NLGN1: variants seen among roughly 807,000 people sequenced by gnomAD.
NLGN1 encodes the protein neuroligin-1.
A neutral mutation model predicts 65.5 loss-of-function variants in NLGN1; 12 were observed. The ratio of observed to expected loss-of-function variants is 0.18; its 90% confidence interval spans 0.12 to 0.30. The LOEUF (loss-of-function observed/expected upper bound fraction) is 0.30, where lower values mean the gene tolerates loss of function less well. Ranked by LOEUF, NLGN1 falls within the 10% of genes least tolerant of loss-of-function variation. The pLI is 1.00. For synonymous variants in NLGN1, 350 were observed against 359.5 expected, an observed-to-expected ratio of 0.97 and a Z score of 0.30; for missense variants, 750 against 1,007.1, an observed-to-expected ratio of 0.74 and a Z score of 3.46.
At chr3:173,800,119 G>A (rs1715122797) in intron 3 of NLGN1, among the ~76,000 whole-genome samples, 1 of 150,048 alleles carries the variant, frequency 6.7e-6, no homozygotes. Context: ...TTTGGGAAAG[G>A]GTTTTTTTTT....
At chr3:173,902,220 A>G (rs16831765) in intron 4 of NLGN1, among the ~76,000 whole-genome samples, 25,933 of 151,288 alleles carry the variant, frequency 0.17, 2,443 homozygotes, top group East Asian at 0.36. Flanking sequence ...TAGTTTTTCC[A>G]CTCCTCCTGG....
rs1725382055 is a variant in NLGN1, at chr3:174,010,814, A to G, written c.646+202982A>G. ...ATATTTAGTGCCACCAGGTTACCAT[A>G]TAAAATGTAAAAGCCTAGAAAAATT... On this transcript the variant is annotated intron_variant, in intron 4 of 6. Coordinates refer to ENST00000457714, the Ensembl canonical transcript of NLGN1. Among the ~76,000 whole-genome samples, 4 of 152,278 alleles carry G rather than the reference A, an allele frequency of 2.6e-5. No individual in the cohort carries two copies. The South Asian group carries it at 8.3e-4, about 32-fold the overall frequency.
At chr3:173,834,979 T>C (rs1346897756) in intron 4 of NLGN1, among the ~76,000 whole-genome samples, 1 of 152,232 alleles carries the variant, frequency 6.6e-6, no homozygotes, top group African/African-American at 2.4e-5. Flanking sequence ...ATTGCTCTGT[T>C]GGCACTGAAC....
At chr3:173,874,831 T>C (rs1191440847) in intron 4 of NLGN1, among the ~76,000 whole-genome samples, 1 of 152,188 alleles carries the variant, frequency 6.6e-6, no homozygotes, top group Non-Finnish European at 1.5e-5. Flanking sequence ...ATCATTTCTC[T>C]TTGTGACTAG....
chr3:174,132,732 G>A (rs1431821807), intron 4 of NLGN1, among the ~76,000 whole-genome samples: 4 of 152,068 alleles, frequency 2.6e-5, no homozygotes, highest in African/African-American at 4.8e-5. Flanking sequence ...TTATATGATC[G>A]CAACAAGGAC....
Position 174,279,764 on chromosome 3 carries a change from T to A in NLGN1, c.1649+114T>A. On this transcript the variant is annotated intron_variant, in intron 6 of 6. Transcript: ENST00000457714. This position sits in a 1 kb window ranked among gnomAD's most constrained non-coding sequence, Gnocchi z 4.7. ...ATATTGGATTAATACCTGCAAGATA[T>A]TACATTCCTTTATTCAAAATTAATT... is the stretch of plus-strand genomic sequence containing the variant. 1.6e-6 allele frequency: 1 copy of A among 621,008 alleles called. No homozygotes were observed. The highest frequency in any genetic ancestry group is 2.3e-5 in the South Asian group (1 of 42,642). The allele number at this position is 621,008 out of a possible 1,614,324, so 38.5% of individuals were successfully genotyped here.
intron 5 of NLGN1, among the ~76,000 whole-genome samples, chr3:174,278,202 A>G (rs1750938322): frequency 6.6e-6 from 1 of 151,998 alleles, no homozygotes; most frequent in African/African-American, 2.4e-5. Flanking sequence ...AACCTAGTGA[A>G]AACACTTCAA....
chr3:174,206,620 T>C (rs1735478512), intron 4 of NLGN1, among the ~76,000 whole-genome samples: 1 of 152,148 alleles, frequency 6.6e-6, no homozygotes, highest in African/African-American at 2.4e-5. Flanking sequence ...AAGTTACCTC[T>C]CAGAGTCTCC....
chr3:173,701,137 A>G (rs1767103024), intron 3 of NLGN1, among the ~76,000 whole-genome samples: 1 of 152,174 alleles, frequency 6.6e-6, no homozygotes, highest in Admixed American at 6.5e-5. Flanking sequence ...TTGAAAAAAA[A>G]GTGCCGGAAA....
At chr3:174,052,733 A>G (rs12487451) in intron 4 of NLGN1, among the ~76,000 whole-genome samples, 43,424 of 151,834 alleles carry the variant, frequency 0.29, 7,763 homozygotes, top group African/African-American at 0.51. Flanking sequence ...AGTGTACAGT[A>G]TTTGCGTTCT....
At chr3:173,417,233 T>C (rs1713987221) in intron 1 of NLGN1, among the ~76,000 whole-genome samples, 1 of 151,992 alleles carries the variant, frequency 6.6e-6, no homozygotes, top group South Asian at 2.1e-4. Context: ...AAATATACTA[T>C]AGAAGTTCAA....
chr3:173,667,238 T>TGC lies in NLGN1; in HGVS notation c.493+62148_493+62149dup, dbSNP rs1553794581. Among the ~76,000 whole-genome samples, 271 of 77,708 alleles carry TGC rather than the reference T, an allele frequency of 3.5e-3. 2 individuals are homozygous for TGC. The highest frequency in any genetic ancestry group is 0.016 in the African/African-American group (252 of 15,680). The allele number at this position is 77,708 out of a possible 152,430, so 51.0% of individuals were successfully genotyped here. Reference sequence around the variant, plus strand: ...ATTGCCATAATGAAACACACGCATATGCACACACACACACACACACACACA... The same window carrying TGC: ...ATTGCCATAATGAAACACACGCATATGCGCACACACACACACACACACACACA... On this transcript the variant is annotated intron_variant, in intron 3 of 6. Coordinates refer to ENST00000457714, the Ensembl canonical transcript of NLGN1.
At chr3:173,443,697 T>G (rs1399907639) in intron 2 of NLGN1, among the ~76,000 whole-genome samples, 1 of 152,232 alleles carries the variant, frequency 6.6e-6, no homozygotes, top group East Asian at 1.9e-4. Context: ...AACATTACGC[T>G]TAAGGTGCAA....
chr3:174,285,927 G>T (rs1752063955), exon 7 of NLGN1: 1 of 151,232 alleles, frequency 6.6e-6, no homozygotes, highest in Non-Finnish European at 1.5e-5. Context: ...AATAATATCA[G>T]ATGCATCTAA....
At chr3:173,599,357 A>G (rs1750060010) in intron 2 of NLGN1, among the ~76,000 whole-genome samples, 1 of 152,174 alleles carries the variant, frequency 6.6e-6, no homozygotes, top group East Asian at 1.9e-4. Context: ...TAAAAATCTC[A>G]GACTCTGGCT....
At chr3:174,084,922 ATTC>A (rs1260587424) in intron 4 of NLGN1, among the ~76,000 whole-genome samples, 6 of 152,010 alleles carry the variant, frequency 3.9e-5, no homozygotes, top group Admixed American at 6.6e-5. Flanking sequence ...CTGAACCATA[ATTC>A]TTCTTTTTTG....
chr3:173,522,605 T>TG (rs973722970), intron 2 of NLGN1, among the ~76,000 whole-genome samples: 1 of 151,818 alleles, frequency 6.6e-6, no homozygotes, highest in Admixed American at 6.6e-5. Flanking sequence ...TAATTTTTTT[T>TG]TGTATTTTTA....
chr3:173,789,210 AAG>A (rs1049118610), intron 3 of NLGN1, among the ~76,000 whole-genome samples: 3 of 151,618 alleles, frequency 2.0e-5, no homozygotes, highest in African/African-American at 4.8e-5. Context: ...AAAAAAAAGA[AAG>A]AGAGAGAGAG....
At position 173,539,692 on chromosome 3, in the gene NLGN1, A is replaced by ATATGCACATATATACATATATGTG. The variant is rs1560406608; in HGVS notation, c.-320-64587_-320-64586insTATGCACATATATACATATATGTG. Among the ~76,000 whole-genome samples the ATATGCACATATATACATATATGTG allele has an allele frequency of 7.2e-4, 97 of 134,946 alleles. 2 individuals are homozygous for ATATGCACATATATACATATATGTG. Among genetic ancestry groups the ATATGCACATATATACATATATGTG allele is most frequent in the African/African-American group, 2.6e-3 (88 of 33,816 alleles). The allele number at this position is 134,946 out of a possible 152,430, so 88.5% of individuals were successfully genotyped here. On this transcript the variant is annotated intron_variant, in intron 2 of 6. Coordinates refer to ENST00000457714, the Ensembl canonical transcript of NLGN1. ...GCACATATATAACATACATATATGTACATATGCACATATATACATATATGT... is the reference window on the plus strand; with the variant it reads ...GCACATATATAACATACATATATGTATATGCACATATATACATATATGTGCATATGCACATATATACATATATGT...
Sources: allele counts gnomAD v4.1 joint callset (sites outside exome capture counted in the v4.1 genomes callset), GRCh38; gene constraint gnomAD v4.1.1; non-coding constraint Gnocchi (gnomAD v3.1); transcripts MANE v1.5; gene names NCBI Gene and HGNC (gene_info 2026-07-23, HGNC 2026-07-21).